Variants in DDC observed in about 807,000 individuals in gnomAD.
DDC encodes the protein dopa decarboxylase, also known as aromatic-L-amino-acid decarboxylase.
A neutral mutation model predicts 60.0 loss-of-function variants in DDC; 43 were observed. The ratio of observed to expected loss-of-function variants is 0.72; its 90% CI spans 0.56 to 0.92. The LOEUF is 0.92. DDC is among the 40% of genes least tolerant of loss of function. The pLI is 0.00. For synonymous variants in DDC, 232 were observed against 234.6 expected (o/e 0.99, Z 0.10); for missense variants, 573 against 620.2 (o/e 0.92, Z 0.81).
chr7:50,529,804 G>A (rs1203321371), intron 4 of DDC, among the ~76,000 whole-genome samples: 2 of 152,100 alleles, frequency 1.3e-5, no homozygotes, highest in Non-Finnish European at 2.9e-5. Flanking sequence ...TGCCTTAAAG[G>A]GTTTCTTTTG....
chr7:50,511,662 G>T (rs2043584335), intron 6 of DDC, among the ~76,000 whole-genome samples: 1 of 152,218 alleles, frequency 6.6e-6, no homozygotes, highest in Admixed American at 6.5e-5. Flanking sequence ...CTGGGAGGCA[G>T]AGGTTGCAGT....
At chr7:50,495,267 C>G (rs2043102911) in intron 9 of DDC, 83 bp downstream of exon 9, 6 of 1,014,426 alleles carry the variant, frequency 5.9e-6, no homozygotes, top group Non-Finnish European at 7.8e-6. Flanking sequence ...TATTGCACCC[C>G]TTTGGCTCTG....
intron 10 of DDC, 132 bp from the exon 11 acceptor site, chr7:50,476,775 G>A (rs960559748): frequency 1.2e-6 from 1 of 803,144 alleles, no homozygotes; most frequent in African/African-American, 1.7e-5. Context: ...CAAAGGCTGG[G>A]TCTGGGTGTT....
chr7:50,468,150 G>T (rs1197647247), intron 12 of DDC, among the ~76,000 whole-genome samples: 1 of 152,254 alleles, frequency 6.6e-6, no homozygotes, highest in Non-Finnish European at 1.5e-5. Flanking sequence ...TCGCGGGCAG[G>T]GGGTGGCTGG....
intron 6 of DDC, among the ~76,000 whole-genome samples, chr7:50,506,075 C>A (rs992839419): frequency 2.0e-5 from 3 of 152,258 alleles, no homozygotes; most frequent in African/African-American, 7.2e-5. Context: ...CCAGGCAGGG[C>A]AAGGGTGAGC....
chr7:50,465,480 T>C (rs999526995), intron 13 of DDC, among the ~76,000 whole-genome samples: 13 of 151,596 alleles, frequency 8.6e-5, no homozygotes, highest in African/African-American at 2.7e-4. Flanking sequence ...AATGTGGTTC[T>C]CCTGCCTCAG....
chr7:50,512,741 T>G (rs1029825820), intron 6 of DDC, among the ~76,000 whole-genome samples: 5 of 152,208 alleles, frequency 3.3e-5, no homozygotes, highest in Non-Finnish European at 7.4e-5. Context: ...AAGACCCACC[T>G]TATCCAACTG....
At chr7:50,498,651 C>T (rs2043176504) in intron 8 of DDC, among the ~76,000 whole-genome samples, 1 of 152,226 alleles carries the variant, frequency 6.6e-6, no homozygotes, top group South Asian at 2.1e-4. Flanking sequence ...AGGCATTTCA[C>T]TTAGCATTAA....
chr7:50,476,673 G>T, intron 10 of DDC, 30 bp from the exon 11 acceptor site: 1 of 1,600,688 alleles, frequency 6.2e-7, no homozygotes, highest in Non-Finnish European at 8.5e-7. Flanking sequence ...AAAGAAAAAA[G>T]AAATCGTTAG....
chr7:50,538,596 G>T (rs1563039426), intron 3 of DDC, among the ~76,000 whole-genome samples: 1 of 152,208 alleles, frequency 6.6e-6, no homozygotes, highest in East Asian at 1.9e-4. Flanking sequence ...GCCCCATCCT[G>T]CTGGGTTCTA....
At chr7:50,528,816 C>T (rs1334430957) in intron 5 of DDC, among the ~76,000 whole-genome samples, 1 of 152,110 alleles carries the variant, frequency 6.6e-6, no homozygotes, top group Non-Finnish European at 1.5e-5. Context: ...CTGCAGCCCC[C>T]ACCGCCACTG....
chr7:50,466,393 G>A (rs1427885174), intron 13 of DDC, among the ~76,000 whole-genome samples: 2 of 149,576 alleles, frequency 1.3e-5, no homozygotes, highest in African/African-American at 4.9e-5. Flanking sequence ...GCTGAAGCAG[G>A]AGAATCACTT....
At chr7:50,516,149 T>A (rs1413059619) in intron 6 of DDC, among the ~76,000 whole-genome samples, 1 of 152,118 alleles carries the variant, frequency 6.6e-6, no homozygotes, top group Non-Finnish European at 1.5e-5. Context: ...CGCATGGAAC[T>A]TTCTCCAAGA....
intron 11 of DDC, 83 bp downstream of exon 11, chr7:50,476,541 G>T (rs960798287): frequency 4.8e-6 from 6 of 1,250,440 alleles, no homozygotes; most frequent in South Asian, 2.4e-5. Flanking sequence ...TCATGAGAGT[G>T]GGGGAGGAGA....
intron 14 of DDC, 95 bp downstream of exon 14, chr7:50,463,118 G>T: frequency 1.0e-6 from 1 of 967,610 alleles, no homozygotes; most frequent in Non-Finnish European, 1.6e-6. Flanking sequence ...AGCATTGAGT[G>T]GCCGGGCTGG....
intron 6 of DDC, among the ~76,000 whole-genome samples, chr7:50,507,295 T>C (rs1363903741): frequency 1.3e-5 from 2 of 152,166 alleles, no homozygotes; most frequent in South Asian, 4.1e-4. Context: ...TGGAGTGCAG[T>C]GGTGCGATCT....
chr7:50,545,002 A>T (rs925939538), intron 1 of DDC, among the ~76,000 whole-genome samples: 1 of 152,204 alleles, frequency 6.6e-6, no homozygotes, highest in African/African-American at 2.4e-5. Flanking sequence ...TCCATAAGGC[A>T]CGTCTTGTGC....
In DDC at chr7:50,460,459, G is replaced by A. The variant is rs1179353597; in HGVS notation, c.*19-1616C>T. ...AGCCGCCCCGTCCGGCCAGCCACCC[G>A]GTCCAGGAGGTGAGGGGCGCCTCTG... is the stretch of plus-strand genomic sequence containing the variant. On this transcript the variant is annotated intron_variant, in intron 14 of 14. Coordinates refer to ENST00000444124, the MANE Select transcript of DDC (RefSeq NM_001082971.2). 1.3e-4 allele frequency among the ~76,000 whole-genome samples: 19 copies of A among 148,954 alleles called. No individual in the cohort carries two copies. The East Asian group carries it at 3.0e-3, about 23-fold the overall frequency.
intron 9 of DDC, among the ~76,000 whole-genome samples, chr7:50,491,306 T>TTTTG (rs911598738): frequency 7.1e-4 from 108 of 152,256 alleles, no homozygotes; most frequent in African/African-American, 2.4e-3. Flanking sequence ...CTCCCTTTAT[T>TTTTG]TTTGTTTGTT....
Sources: gnomAD v4.1 joint callset for allele counts (sites outside exome capture counted in the v4.1 genomes callset) on GRCh38, gnomAD v4.1.1 for gene constraint, MANE v1.5 for transcripts, NCBI Gene and HGNC (gene_info 2026-07-23, HGNC 2026-07-21) for gene names.